IGSF5: variants seen among roughly 807,000 people sequenced by gnomAD.
The protein encoded by IGSF5 is immunoglobulin superfamily 5 like.
IGSF5 carries 41 observed loss-of-function variants against 39.4 expected under a neutral mutation model. The ratio of observed to expected loss-of-function variants is 1.04; its 90% confidence interval spans 0.81 to 1.35. IGSF5 has a LOEUF of 1.35. IGSF5 is among the 40% of genes most tolerant of loss of function. The pLI is 0.00. For synonymous variants in IGSF5, 183 were observed against 175.3 expected (o/e 1.04, Z -0.34); for missense variants, 487 against 494.6 (o/e 0.98, Z 0.15).
chr21:39,793,475 T>TA, intron 7 of IGSF5, 59 bp from the exon 8 acceptor site: 4 of 1,275,444 alleles, frequency 3.1e-6, no homozygotes, highest in Non-Finnish European at 4.6e-6. Context: ...TCAGAATTGT[T>TA]AGAGCACACA....
chr21:39,773,615 C>T (rs1490498547), intron 4 of IGSF5, among the ~76,000 whole-genome samples: 1 of 152,048 alleles, frequency 6.6e-6, no homozygotes, highest in Non-Finnish European at 1.5e-5. Flanking sequence ...GTGCTGGTGT[C>T]CTTCCGACAT....
intron 1 of IGSF5, 140 bp downstream of exon 1, chr21:39,745,666 A>C: frequency 1.6e-6 from 1 of 633,662 alleles, no homozygotes; most frequent in Admixed American, 2.4e-5. Flanking sequence ...TTGAAAGTGG[A>C]AGCTGGCTCC....
chr21:39,750,439 T>C (rs1451187555), intron 2 of IGSF5, among the ~76,000 whole-genome samples: 1 of 145,064 alleles, frequency 6.9e-6, no homozygotes, highest in Non-Finnish European at 1.5e-5. Flanking sequence ...GCCTAGGAGT[T>C]CAAGGTTGCA....
intron 8 of IGSF5, 149 bp downstream of exon 8, chr21:39,793,762 GGA>G: frequency 1.5e-6 from 1 of 654,536 alleles, no homozygotes; most frequent in Non-Finnish European, 2.7e-6. Flanking sequence ...TGGTCAGCAT[GGA>G]GAGATGGGGC....
chr21:39,743,351 C>T (rs527792310), upstream of IGSF5, among the ~76,000 whole-genome samples: 2 of 152,326 alleles, frequency 1.3e-5, no homozygotes, highest in East Asian at 3.9e-4. Flanking sequence ...CATTATATCT[C>T]TCCATGTCAG....
the IGSF5 span, among the ~76,000 whole-genome samples, chr21:39,717,841 A>G: frequency 2.0e-5 from 3 of 152,124 alleles, no homozygotes; most frequent in Non-Finnish European, 4.4e-5. Flanking sequence ...TTGGTTCCAT[A>G]TAAGTTTTAA....
rs1380431097 is a variant in IGSF5, at chr21:39,771,243, AAATG to A, written c.718+34_718+37del. On this transcript the variant is annotated intron_variant, in intron 4 of 8. Coordinates refer to ENST00000380588, the MANE Select transcript of IGSF5 (RefSeq NM_001080444.2). ...AAGTGAAGACATTCTGCTTTATATGAAATGAATGATTATTTCATGCTTCAATATT... is the reference window on the plus strand; with the variant it reads ...AAGTGAAGACATTCTGCTTTATATGAAATGATTATTTCATGCTTCAATATT... The A allele has an allele frequency of 2.0e-6, 3 of 1,494,498 alleles. No homozygotes were observed. The African/African-American group carries it at 4.2e-5, about 21-fold the overall frequency. The allele number at this position is 1,494,498 out of a possible 1,614,324, so 92.6% of individuals were successfully genotyped here. A position where few individuals can be genotyped will look rare whatever the true frequency, so the allele number is the denominator to read the frequency against.
At chr21:39,770,534 T>C (rs1253682517) in intron 3 of IGSF5, among the ~76,000 whole-genome samples, 3 of 152,184 alleles carry the variant, frequency 2.0e-5, no homozygotes, top group Non-Finnish European at 4.4e-5. Context: ...TTTCTCTTTT[T>C]CCCTTTGCTC....
chr21:39,753,917 G>C, intron 2 of IGSF5, among the ~76,000 whole-genome samples: 1 of 50,278 alleles, frequency 2.0e-5, no homozygotes, highest in East Asian at 3.7e-4. Context: ...ATATTTGGTT[G>C]GTGTTTTTTT....
chr21:39,789,241 A>G (rs962098801), intron 6 of IGSF5, among the ~76,000 whole-genome samples: 5 of 152,230 alleles, frequency 3.3e-5, no homozygotes, highest in African/African-American at 9.6e-5. Flanking sequence ...TTGAAAGCAC[A>G]GTAAAGTGAT....
In IGSF5 at chr21:39,787,552, GTT is replaced by G. The variant is rs33925299; in HGVS notation, c.935-597_935-596del. On this transcript the variant is annotated intron_variant, in intron 5 of 8. Coordinates refer to ENST00000380588, the MANE Select transcript of IGSF5 (RefSeq NM_001080444.2). ...AAAACATTAGCAATTTAATGACAGTGTTTTTTTTTTTTTTTTTTTGGTGGGGT... is the reference window on the plus strand; with the variant it reads ...AAAACATTAGCAATTTAATGACAGTGTTTTTTTTTTTTTTTTTGGTGGGGT... Among the ~76,000 whole-genome samples the G allele has an allele frequency of 2.0e-3, 243 of 119,884 alleles. 1 individual carries two copies. Among genetic ancestry groups the G allele is most frequent in the Non-Finnish European group, 3.2e-3 (195 of 60,522 alleles). The allele number at this position is 119,884 out of a possible 152,430, so 78.6% of individuals were successfully genotyped here. A position where few individuals can be genotyped will look rare whatever the true frequency, so the allele number is the denominator to read the frequency against.
At chr21:39,770,274 A>AT (rs2080107237) in intron 3 of IGSF5, among the ~76,000 whole-genome samples, 2 of 57,942 alleles carry the variant, frequency 3.5e-5, no homozygotes, top group South Asian at 1.3e-3. Context: ...AGTGTTCTTA[A>AT]TAAAAAAATA....
intron 3 of IGSF5, among the ~76,000 whole-genome samples, chr21:39,766,195 T>C (rs1333396175): frequency 3.3e-5 from 5 of 152,194 alleles, no homozygotes; most frequent in African/African-American, 1.2e-4. Flanking sequence ...CATCTTTCCC[T>C]TTTTCCTGCT....
upstream of IGSF5, among the ~76,000 whole-genome samples, chr21:39,744,472 C>T (rs1228945570): frequency 6.6e-6 from 1 of 152,224 alleles, no homozygotes; most frequent in Non-Finnish European, 1.5e-5. Flanking sequence ...GGCAATTTTT[C>T]TAACTCTGCT....
chr21:39,797,624 C>T (rs1227083363), intron 8 of IGSF5, among the ~76,000 whole-genome samples: 1 of 152,170 alleles, frequency 6.6e-6, no homozygotes, highest in Non-Finnish European at 1.5e-5. Flanking sequence ...TCAAGGGATC[C>T]TCCTGCCTCA....
Position 39,778,817 on chromosome 21 carries a change from C to T in IGSF5, c.719-273C>T, listed in dbSNP as rs540274736. Among the ~76,000 whole-genome samples, 22 of 152,344 alleles carry T rather than the reference C, an allele frequency of 1.4e-4. 1 individual carries two copies. In the South Asian group the frequency reaches 4.4e-3, roughly 30 times the overall value. On this transcript the variant is annotated intron_variant, in intron 4 of 8. Coordinates refer to ENST00000380588, the MANE Select transcript of IGSF5 (RefSeq NM_001080444.2). Reference sequence around the variant, plus strand: ...GACTGTCAGCCCAGCCCTGCCTTATCTACTTCTCAGGGATATTAGAGACAT... The same window carrying T: ...GACTGTCAGCCCAGCCCTGCCTTATTTACTTCTCAGGGATATTAGAGACAT...
chr21:39,797,452 C>T (rs2087002648), intron 8 of IGSF5, among the ~76,000 whole-genome samples: 1 of 152,156 alleles, frequency 6.6e-6, no homozygotes, highest in Non-Finnish European at 1.5e-5. Context: ...CTCCTGACCT[C>T]AGGTGACCTG....
Position 39,799,502 on chromosome 21 carries a change from AT to A in IGSF5, c.1129-1747del, listed in dbSNP as rs200904192. On this transcript the variant is annotated intron_variant, in intron 8 of 8. Coordinates refer to ENST00000380588, the MANE Select transcript of IGSF5 (RefSeq NM_001080444.2). ...TTCTCCAGGTGATCTGCTTTGAGGA[AT>A]TTTTTTTTTTTTGTCCCAGTGTGAA... Among the ~76,000 whole-genome samples, 957 of 145,356 alleles carry A rather than the reference AT, an allele frequency of 6.6e-3. 15 individuals carry two copies. The East Asian group carries it at 0.073, about 11-fold the overall frequency.
the IGSF5 span, among the ~76,000 whole-genome samples, chr21:39,715,061 C>T: frequency 5.3e-5 from 8 of 151,196 alleles, no homozygotes; most frequent in African/African-American, 1.2e-4. Flanking sequence ...TTCTTTCTTT[C>T]GTTCTTTCTT....
Sources: gnomAD v4.1 joint callset for allele counts (sites outside exome capture counted in the v4.1 genomes callset) on GRCh38, gnomAD v4.1.1 for gene constraint, MANE v1.5 for transcripts, NCBI Gene and HGNC (gene_info 2026-07-23, HGNC 2026-07-21) for gene names.